ENTPD7: variants seen among roughly 807,000 people sequenced by gnomAD.
ENTPD7 encodes the protein NTPDase 7.
ENTPD7 carries 53 observed loss-of-function variants against 77.9 expected under a neutral mutation model. The ratio of observed to expected loss-of-function variants is 0.68; its 90% CI spans 0.55 to 0.85. ENTPD7 has a LOEUF of 0.85. Ranked by LOEUF, ENTPD7 falls within the 40% of genes least tolerant of loss-of-function variation. The pLI is 0.00. For missense variants in ENTPD7, 636 were observed against 743.7 expected, an observed-to-expected ratio of 0.86 and a Z score of 1.68; for synonymous variants, 248 against 274.9, an observed-to-expected ratio of 0.90 and a Z score of 0.97.
intron 2 of ENTPD7, chr10:99,660,528 A>G (rs11190226): frequency 0.099 from 621 of 6,292 alleles, 3 homozygotes; most frequent in Non-Finnish European, 0.14. Flanking sequence ...ATGGATACGC[A>G]CACACACACA....
chr10:99,661,602 A>G lies in ENTPD7; in HGVS notation c.165A>G (p.Ser55=). 6.2e-7 allele frequency: 1 copy of G among 1,610,448 alleles called. No individual in the cohort carries two copies. The highest frequency in any genetic ancestry group is 8.5e-7 in the Non-Finnish European group (1 of 1,178,914). The change falls in exon 3 of 13, where the codon TCA becomes TCG. Residue 55 remains serine (S), a synonymous_variant. Coordinates refer to ENST00000370489, the MANE Select transcript of ENTPD7 (RefSeq NM_020354.5). ...TAGACTTTCGACATTGGAGTGCTTC[A>G]TTACCACGAGATAGGCAATACGAAA... ...LIIDFRHWSA[S]LPRDRQYERY... is the part of the protein sequence containing the mutation.
rs2035488518 is a variant in ENTPD7 at position 99,661,614 on chromosome 10, T to C, written c.177T>C (p.Asp59=). Residue 59 remains aspartate (D), a synonymous_variant, in exon 3 of 13, where the codon GAT becomes GAC. Transcript: ENST00000370489. Reference sequence around the variant, plus strand: ...ATTGGAGTGCTTCATTACCACGAGATAGGCAATACGAAAGGTGAGTCAGCT... The same window carrying C: ...ATTGGAGTGCTTCATTACCACGAGACAGGCAATACGAAAGGTGAGTCAGCT... ...FRHWSASLPR[D]RQYERYLARV... 4.4e-6 allele frequency: 7 copies of C among 1,607,704 alleles called. No individual in the cohort carries two copies. Among genetic ancestry groups the C allele is most frequent in the South Asian group, 2.2e-5 (2 of 89,660 alleles).
In ENTPD7 at chr10:99,675,368, G is replaced by A. The variant is rs2035667274; in HGVS notation, c.192-3893G>A. Among the ~76,000 whole-genome samples, 4 of 151,882 alleles carry A rather than the reference G, an allele frequency of 2.6e-5. No individual in the cohort carries two copies. In the South Asian group the frequency reaches 8.3e-4, roughly 32 times the overall value. Reference sequence around the variant, plus strand: ...GGATTGTAGAATGAAATGTATCAGTGTTAGGAAGATTTGCATAACTCAGTG... The same window carrying A: ...GGATTGTAGAATGAAATGTATCAGTATTAGGAAGATTTGCATAACTCAGTG... On this transcript the variant is annotated intron_variant, in intron 3 of 12. Transcript: ENST00000370489.
chr10:99,689,312 G>GAA (rs2035851887), intron 7 of ENTPD7, among the ~76,000 whole-genome samples: 1 of 152,096 alleles, frequency 6.6e-6, no homozygotes, highest in Non-Finnish European at 1.5e-5. Context: ...CTGAACAAGG[G>GAA]TCATGCATTG....
rs541060064 is a variant in ENTPD7, at chr10:99,671,997, T to C, written c.192-7264T>C. On this transcript the variant is annotated intron_variant, in intron 3 of 12. Coordinates refer to ENST00000370489, the MANE Select transcript of ENTPD7 (RefSeq NM_020354.5). ...TACAGATGAAATGATTAGGTTCTTA[T>C]GTGCAATAGAACAGTTCAGAGATTT... Among the ~76,000 whole-genome samples the C allele has an allele frequency of 2.5e-4, 38 of 152,356 alleles. No individual in the cohort carries two copies. The East Asian group carries it at 6.4e-3, about 26-fold the overall frequency.
chr10:99,694,541 T>TG (rs967011040), intron 8 of ENTPD7, among the ~76,000 whole-genome samples: 11 of 150,304 alleles, frequency 7.3e-5, no homozygotes, highest in African/African-American at 2.2e-4. Flanking sequence ...TTTTTTTGTT[T>TG]TTTTTTTTTT....
In ENTPD7 at chr10:99,685,818, T is replaced by A. The variant is rs928190238; in HGVS notation, c.575T>A (p.Leu192Gln). The change falls in exon 6 of 13, where the codon CTA (leucine) becomes CAA (glutamine). Residue 192 changes from leucine (L) to glutamine (Q), a missense_variant. Transcript: ENST00000370489. Reference sequence around the variant, plus strand: ...AAGCAGTTGGCTATCTTGGCTGACCTAGTGAAAGATTTACCACTGGAGTTT... The same window carrying A: ...AAGCAGTTGGCTATCTTGGCTGACCAAGTGAAAGATTTACCACTGGAGTTT... ...ERKQLAILAD[L>Q]VKDLPLEFDF... 1 of 1,613,800 alleles carries A rather than the reference T, an allele frequency of 6.2e-7. No homozygotes were observed. The highest frequency in any genetic ancestry group is 8.5e-7 in the Non-Finnish European group (1 of 1,179,926).
intron 2 of ENTPD7, among the ~76,000 whole-genome samples, chr10:99,660,841 G>A (rs551442678): frequency 6.6e-6 from 1 of 151,936 alleles, no homozygotes; most frequent in African/African-American, 2.4e-5. Context: ...AGAATCGCTT[G>A]AACCCAGGAG....
At position 99,692,579 on chromosome 10, in the gene ENTPD7, G is replaced by A. The variant is rs542536703; in HGVS notation, c.843+1061G>A. ...GCTGAGGGAAGGCCACCTGCATGGA[G>A]GGAACACTATATACAAAGGCACAGA... is the stretch of plus-strand genomic sequence containing the variant. On this transcript the variant is annotated intron_variant, in intron 8 of 12. Coordinates refer to ENST00000370489, the MANE Select transcript of ENTPD7 (RefSeq NM_020354.5). Among the ~76,000 whole-genome samples, 14 of 151,780 alleles carry A rather than the reference G, an allele frequency of 9.2e-5. No individual in the cohort carries two copies. The East Asian group carries it at 2.1e-3, about 23-fold the overall frequency.
chr10:99,703,081 T>C (rs1186134921), intron 12 of ENTPD7, among the ~76,000 whole-genome samples: 1 of 152,204 alleles, frequency 6.6e-6, no homozygotes, highest in Non-Finnish European at 1.5e-5. Flanking sequence ...TTTCATAACA[T>C]ACAGAGGCAC....
In ENTPD7 at chr10:99,704,912, C is replaced by CG. The variant is rs2036222394; in HGVS notation, c.*234dup. 2 of 554,296 alleles carry CG rather than the reference C, an allele frequency of 3.6e-6. No homozygotes were observed. The highest frequency in any genetic ancestry group is 6.5e-6 in the Non-Finnish European group (2 of 310,026). The allele number at this position is 554,296 out of a possible 1,614,324, so 34.3% of individuals were successfully genotyped here. A position where few individuals can be genotyped will look rare whatever the true frequency, so the allele number is the denominator to read the frequency against. On this transcript the variant is annotated 3_prime_UTR_variant, in exon 13 of 13. Transcript: ENST00000370489. ...AAATGACAGGAGATTGGTGCTAATACGGGGGACCAAGCTTTGTCCAAGTGA... is the reference window on the plus strand; with the variant it reads ...AAATGACAGGAGATTGGTGCTAATACGGGGGGACCAAGCTTTGTCCAAGTGA...
chr10:99,696,110 T>C lies in ENTPD7; in HGVS notation c.998T>C (p.Leu333Pro), dbSNP rs1438479522. Reference sequence around the variant, plus strand: ...GAAGACCTTGTTCTGAATGAAACTCTTAACAAAAACAGGTACATTTGATAT... The same window carrying C: ...GAAGACCTTGTTCTGAATGAAACTCCTAACAAAAACAGGTACATTTGATAT... Reference protein sequence around the residue: ...RYEDLVLNETLNKNRLLGQKT... With the variant: ...RYEDLVLNETPNKNRLLGQKT... Residue 333 changes from leucine to proline, a missense_variant, in exon 9 of 13, where the codon CTT becomes CCT. By Grantham distance (98) the Leu-to-Pro change is moderately conservative. Transcript: ENST00000370489. 1 of 1,612,636 alleles carries C rather than the reference T, an allele frequency of 6.2e-7. No homozygotes were observed. Among genetic ancestry groups the C allele is most frequent in the Admixed American group, 1.7e-5 (1 of 59,472 alleles).
Position 99,709,304 on chromosome 10 carries a change from A to G in ENTPD7, c.*4621A>G. On this transcript the variant is annotated 3_prime_UTR_variant, in exon 13 of 13. Transcript: ENST00000370489. ...CAAATTAATTCAAAACTAGTATCTA[A>G]TTGTCCTTTTTGCTGTGGTATGTGG... 1.0e-6 allele frequency: 1 copy of G among 985,334 alleles called. No individual in the cohort carries two copies. Among genetic ancestry groups the G allele is most frequent in the Non-Finnish European group, 1.2e-6 (1 of 829,906 alleles). The allele number at this position is 985,334 out of a possible 1,614,324, so 61.0% of individuals were successfully genotyped here. A position where few individuals can be genotyped will look rare whatever the true frequency, so the allele number is the denominator to read the frequency against.
chr10:99,677,359 C>CTTT (rs560338561), intron 3 of ENTPD7, among the ~76,000 whole-genome samples: 298 of 93,796 alleles, frequency 3.2e-3, no homozygotes, highest in African/African-American at 3.8e-3. Context: ...GGGCAGATAG[C>CTTT]TTTTTTTTTT....
At chr10:99,684,240 T>G (rs2300979) in intron 5 of ENTPD7, among the ~76,000 whole-genome samples, 1 of 151,946 alleles carries the variant, frequency 6.6e-6, no homozygotes. Context: ...TTGGTAGAGA[T>G]GGGGTTTCAC....
intron 4 of ENTPD7, 121 bp downstream of exon 4, chr10:99,679,587 T>G (rs772166336): frequency 4.9e-6 from 7 of 1,427,028 alleles, no homozygotes; most frequent in Non-Finnish European, 6.6e-6. Flanking sequence ...GGGATATCTC[T>G]TTCATTGTCA....
At chr10:99,681,352 C>T (rs2035751718) in intron 5 of ENTPD7, among the ~76,000 whole-genome samples, 1 of 152,120 alleles carries the variant, frequency 6.6e-6, no homozygotes, top group Non-Finnish European at 1.5e-5. Context: ...GATCTCGGCT[C>T]ACTGCAACTT....
intron 12 of ENTPD7, among the ~76,000 whole-genome samples, chr10:99,703,912 G>T (rs985014767): frequency 6.6e-6 from 1 of 152,106 alleles, no homozygotes; most frequent in African/African-American, 2.4e-5. Context: ...CTTTTGCAGA[G>T]ATGGGGTCTT....
In ENTPD7 at chr10:99,679,483, AT is replaced by A; in HGVS notation, c.397+21del. On this transcript the variant is annotated intron_variant, in intron 4 of 12. Transcript: ENST00000370489. ...TCAAGCCAGGTACTAATCAGAATAT[AT>A]TTTGTTGTCAGTCTCTTTTAAGGCA... 4 of 1,596,094 alleles carry A rather than the reference AT, an allele frequency of 2.5e-6. No individual in the cohort carries two copies. Among genetic ancestry groups the A allele is most frequent in the Non-Finnish European group, 3.4e-6 (4 of 1,172,902 alleles).
Sources: gnomAD v4.1 joint callset for allele counts (sites outside exome capture counted in the v4.1 genomes callset) on GRCh38, gnomAD v4.1.1 for gene constraint, MANE v1.5 for transcripts, NCBI Gene and HGNC (gene_info 2026-07-23, HGNC 2026-07-21) for gene names.